USP43: variants seen among roughly 807,000 people sequenced by gnomAD.
USP43 encodes the protein ubiquitin specific peptidase 43, also known as ubiquitin carboxyl-terminal hydrolase 43.
A neutral mutation model predicts 90.7 loss-of-function variants in USP43; 33 were observed. The ratio of observed to expected loss-of-function variants is 0.36; its 90% confidence interval spans 0.28 to 0.49. USP43 has a LOEUF of 0.49. Among genes scored for constraint, USP43 ranks in the 20% least tolerant of loss-of-function variants. The pLI, the probability that USP43 is intolerant of heterozygous loss-of-function variation, is 0.98. For synonymous variants in USP43, 598 were observed against 615.8 expected, an observed-to-expected ratio of 0.97 and a Z score of 0.43; for missense variants, 1,274 against 1,476.4, an observed-to-expected ratio of 0.86 and a Z score of 2.25.
chr17:9,673,129 A>T (rs1913548098), intron 3 of USP43, among the ~76,000 whole-genome samples: 1 of 152,244 alleles, frequency 6.6e-6, no homozygotes. Flanking sequence ...GTAACATAGC[A>T]TGCAGAAATC....
chr17:9,669,002 AT>A (rs763089436), intron 3 of USP43, among the ~76,000 whole-genome samples: 6,027 of 144,442 alleles, frequency 0.042, 272 homozygotes, highest in African/African-American at 0.12. Context: ...TGCCTGGCTA[AT>A]TTTTTTTTTT....
rs558250201 is a variant in USP43, at chr17:9,663,605, CTTTTTGTTTGTTTG to C, written c.637-3027_637-3014del. ...GAGCCACTGCTCCCGCCCAGACATTCTTTTTGTTTGTTTGTTTTTGTTTGTTTGTATTTTTGAGA... is the reference window on the plus strand; with the variant it reads ...GAGCCACTGCTCCCGCCCAGACATTCTTTTTGTTTGTTTGTATTTTTGAGA... On this transcript the variant is annotated intron_variant, in intron 2 of 14. Transcript: ENST00000285199. Among the ~76,000 whole-genome samples, 354 of 151,236 alleles carry C rather than the reference CTTTTTGTTTGTTTG, an allele frequency of 2.3e-3. 1 individual carries two copies. The highest frequency in any genetic ancestry group is 4.8e-3 in the Admixed American group (73 of 15,150).
At chr17:9,659,618 C>T (rs75039369) in intron 2 of USP43, among the ~76,000 whole-genome samples, 1,680 of 152,170 alleles carry the variant, frequency 0.011, 35 homozygotes, top group African/African-American at 0.038. Flanking sequence ...CTGGCTGTAC[C>T]AGGCAGGTCT....
chr17:9,686,707 C>A lies in USP43; in HGVS notation c.1242-91C>A. ...TAGCTCTTGTCACTTATCCTATTGA[C>A]AGGAAGCCAGGGTTAGAACAACCAC... On this transcript the variant is annotated intron_variant, in intron 7 of 14. Transcript: ENST00000285199. This position sits in a 1 kb window ranked among gnomAD's most constrained non-coding sequence, Gnocchi z 5.5. 9.1e-7 allele frequency: 1 copy of A among 1,099,336 alleles called. No individual in the cohort carries two copies. The highest frequency in any genetic ancestry group is 1.3e-6 in the Non-Finnish European group (1 of 750,692). The allele number at this position is 1,099,336 out of a possible 1,614,324, so 68.1% of individuals were successfully genotyped here. A position where few individuals can be genotyped will look rare whatever the true frequency, so the allele number is the denominator to read the frequency against.
chr17:9,657,677 G>C (rs575719931), intron 2 of USP43, among the ~76,000 whole-genome samples: 4 of 151,988 alleles, frequency 2.6e-5, no homozygotes, highest in African/African-American at 9.7e-5. Context: ...GAGAGAGTGA[G>C]GGGGAACAGC....
Position 9,729,140 on chromosome 17 carries a change from A to G in USP43, c.*150A>G. On this transcript the variant is annotated 3_prime_UTR_variant, in exon 15 of 15. Transcript: ENST00000285199. ...TTTTTTTTTGTGGTGGGGGGTCTCC[A>G]TATCTAGACTTCCAACACCCAAGGT... 1.8e-5 allele frequency: 11 copies of G among 624,556 alleles called. No individual in the cohort carries two copies. The highest frequency in any genetic ancestry group is 2.4e-5 in the Non-Finnish European group (10 of 411,262). The allele number at this position is 624,556 out of a possible 1,614,324, so 38.7% of individuals were successfully genotyped here.
intron 2 of USP43, among the ~76,000 whole-genome samples, chr17:9,662,820 C>CTTT (rs758792118): frequency 0.083 from 11,687 of 140,702 alleles, 512 homozygotes; most frequent in South Asian, 0.12. Flanking sequence ...TATATGATCT[C>CTTT]TTTTTTTTTT....
chr17:9,675,020 T>C, intron 4 of USP43, 37 bp downstream of exon 4: 2 of 1,567,760 alleles, frequency 1.3e-6, no homozygotes, highest in Non-Finnish European at 1.8e-6. Flanking sequence ...TGAACTTGAC[T>C]TCCATCCTTA....
Position 9,701,750 on chromosome 17 carries a change from A to G in USP43, c.2011+50A>G. 1.4e-6 allele frequency: 2 copies of G among 1,449,316 alleles called. No homozygotes were observed. The highest frequency in any genetic ancestry group is 2.5e-5 in the East Asian group (1 of 39,988). The allele number at this position is 1,449,316 out of a possible 1,614,324, so 89.8% of individuals were successfully genotyped here. ...AAATGCAGCTGTGGCCACAGCCTCGAGATGTCCCTGGAATGGGTGTTGCTC... is the reference window on the plus strand; with the variant it reads ...AAATGCAGCTGTGGCCACAGCCTCGGGATGTCCCTGGAATGGGTGTTGCTC... On this transcript the variant is annotated intron_variant, in intron 12 of 14. Transcript: ENST00000285199. The surrounding 1 kb of genome is among the most constrained non-coding windows in gnomAD (Gnocchi z 7.2).
At chr17:9,657,174 A>G (rs1912316114) in intron 2 of USP43, among the ~76,000 whole-genome samples, 2 of 152,308 alleles carry the variant, frequency 1.3e-5, no homozygotes. Context: ...TGAAGTTACT[A>G]TATTATGAAA....
At chr17:9,720,337 A>AG (rs1555556646) in intron 14 of USP43, among the ~76,000 whole-genome samples, 1 of 146,904 alleles carries the variant, frequency 6.8e-6, no homozygotes, top group African/African-American at 2.5e-5. Context: ...AAAAAAAAAA[A>AG]AAAGAAAGAA....
At position 9,656,515 on chromosome 17, in the gene USP43, G is replaced by T; in HGVS notation, c.617G>T (p.Arg206Leu). ...CATGAGGACCTGGAGGGTTCATCCC[G>T]AGGGCCGGTGTCGGAGAAGGTCGGT... ...RVHEDLEGSSRGPVSEKLPPE... is the reference protein window; with the variant it reads ...RVHEDLEGSSLGPVSEKLPPE... The change falls in exon 2 of 15, where the codon CGA (arginine) becomes CTA (leucine). Residue 206 changes from arginine to leucine, a missense_variant. Physicochemically the swap from Arg to Leu is moderately radical, Grantham distance 102. Around this residue, in one of 6 missense-constraint regions of USP43, gnomAD observed 259 missense variants for 373.7 expected, o/e 0.69. Coordinates refer to ENST00000285199, the MANE Select transcript of USP43 (RefSeq NM_153210.5). The T allele has an allele frequency of 6.2e-7, 1 of 1,611,396 alleles. No individual in the cohort carries two copies. The highest frequency in any genetic ancestry group is 8.5e-7 in the Non-Finnish European group (1 of 1,178,938).
chr17:9,680,513 T>C, intron 6 of USP43, 147 bp downstream of exon 6: 1 of 922,676 alleles, frequency 1.1e-6, no homozygotes, highest in South Asian at 1.9e-5. Context: ...TGTGTGCAGA[T>C]GGTTGATATT....
intron 9 of USP43, among the ~76,000 whole-genome samples, chr17:9,695,350 T>C (rs906503050): frequency 6.6e-6 from 1 of 152,188 alleles, no homozygotes; most frequent in Non-Finnish European, 1.5e-5. Flanking sequence ...TACTTTTTTT[T>C]TGAGATGGAG....
rs1312679516 is a variant in USP43 at position 9,676,764 on chromosome 17, G to A, written c.852G>A (p.Leu284=). ...TTTCCAGGTTCTTGAGTGTCACCTT[G>A]GTCTTCCCCTCTAAGAGCCAGCGGT... ...LRQTRFLSVT[L]VFPSKSQRFL... The change falls in exon 5 of 15, where the codon TTG becomes TTA. Residue 284 remains leucine (L), a synonymous_variant. Coordinates refer to ENST00000285199, the MANE Select transcript of USP43 (RefSeq NM_153210.5). 2.5e-6 allele frequency: 4 copies of A among 1,613,750 alleles called. No homozygotes were observed. The highest frequency in any genetic ancestry group is 3.3e-5 in the Admixed American group (2 of 59,992).
rs1229322951 is a variant in USP43 at position 9,682,976 on chromosome 17, C to G, written c.1241+18C>G. The G allele has an allele frequency of 6.2e-7, 1 of 1,609,706 alleles. No homozygotes were observed. The highest frequency in any genetic ancestry group is 8.5e-7 in the Non-Finnish European group (1 of 1,176,938). ...GCTAGCAGGTATGTTTCACTTTATT[C>G]TTTTTTCATGTGGTGTCTGGGATTT... On this transcript the variant is annotated intron_variant, in intron 7 of 14. Transcript: ENST00000285199.
chr17:9,655,467 T>C (rs1443314308), intron 1 of USP43, among the ~76,000 whole-genome samples: 1 of 152,228 alleles, frequency 6.6e-6, no homozygotes, highest in Admixed American at 6.5e-5. Flanking sequence ...CCTTTTCTTA[T>C]TGAATTATTG....
chr17:9,679,516 CTTTTT>C (rs544977324), intron 5 of USP43, among the ~76,000 whole-genome samples: 1 of 82,310 alleles, frequency 1.2e-5, no homozygotes, highest in South Asian at 5.8e-4. Flanking sequence ...TGAAATGCAT[CTTTTT>C]TTTTTTTTTT....
At position 9,701,453 on chromosome 17, in the gene USP43, C is replaced by T. The variant is rs1164051706; in HGVS notation, c.1764C>T (p.His588=). The T allele has an allele frequency of 1.3e-6, 2 of 1,595,326 alleles. No individual in the cohort carries two copies. The highest frequency in any genetic ancestry group is 1.8e-5 in the Admixed American group (1 of 56,884). The change falls in exon 12 of 15, where the codon CAC becomes CAT. Residue 588 remains histidine, a synonymous_variant. Coordinates refer to ENST00000285199, the MANE Select transcript of USP43 (RefSeq NM_153210.5). This position sits in a 1 kb window ranked among gnomAD's most constrained non-coding sequence, Gnocchi z 7.2. The part of the protein sequence containing the change: ...LWTLPDILII[H]LKRFCQVGER... Reference sequence around the variant, plus strand: ...CGCTGCCTGACATCCTCATCATCCACCTCAAAAGGTTCTGCCAGGTGGGCG... The same window carrying T: ...CGCTGCCTGACATCCTCATCATCCATCTCAAAAGGTTCTGCCAGGTGGGCG...
Sources: allele counts gnomAD v4.1 joint callset (sites outside exome capture counted in the v4.1 genomes callset), GRCh38; gene constraint gnomAD v4.1.1; regional missense constraint gnomAD v4.1.1; non-coding constraint Gnocchi (gnomAD v3.1); transcripts MANE v1.5; gene names NCBI Gene and HGNC (gene_info 2026-07-23, HGNC 2026-07-21).